The following PER2 variants were observed in gnomAD, a reference collection of about 807,000 sequenced individuals.
PER2 encodes the protein period circadian protein homolog 2.
PER2 carries 66 observed loss-of-function variants against 121.0 expected under a neutral mutation model. The ratio of observed to expected loss-of-function variants is 0.55; its 90% CI spans 0.45 to 0.67. The LOEUF is 0.67. Among genes scored for constraint, PER2 ranks in the 30% least tolerant of loss-of-function variants. The pLI, the probability that PER2 is intolerant of heterozygous loss-of-function variation, is 0.00. For synonymous variants in PER2, 684 were observed against 659.9 expected, an observed-to-expected ratio of 1.04 and a Z score of -0.56; for missense variants, 1,521 against 1,635.0, an observed-to-expected ratio of 0.93 and a Z score of 1.20.
chr2:238,252,507 C>T lies in PER2; in HGVS notation c.3111+405G>A, dbSNP rs1262810868. Among the ~76,000 whole-genome samples the T allele has an allele frequency of 6.6e-6, 1 of 152,252 alleles. No individual in the cohort carries two copies. Among genetic ancestry groups the T allele is most frequent in the Non-Finnish European group, 1.5e-5 (1 of 68,046 alleles). On this transcript the variant is annotated intron_variant, in intron 19 of 22. Transcript: ENST00000254657. The surrounding 1 kb of genome is among the most constrained non-coding windows in gnomAD (Gnocchi z 4.2). ...ACGCTGGTTTTAGGGCTGTGTCCCC[C>T]TCCTTCTCCGCCTTCACCGGGGCCA... is the stretch of plus-strand genomic sequence containing the variant.
At chr2:238,290,509 CT>C (rs1445549872), upstream of PER2, among the ~76,000 whole-genome samples, 1 of 152,160 alleles carries the variant, frequency 6.6e-6, no homozygotes, top group Admixed American at 6.5e-5. Context: ...AGCCTGCTAC[CT>C]GATGTCACAT....
Position 238,258,662 on chromosome 2 carries a change from T to C in PER2, c.1628-18A>G, listed in dbSNP as rs780789990. The C allele has an allele frequency of 4.3e-6, 7 of 1,613,094 alleles. No individual in the cohort carries two copies. Among genetic ancestry groups the C allele is most frequent in the Non-Finnish European group, 5.9e-6 (7 of 1,179,496 alleles). On this transcript the variant is annotated intron_variant, in intron 14 of 22. Transcript: ENST00000254657. ...TTGCATTTCTGAAGGAATGGCAAAA[T>C]TGTTCTTTCATTCATTTTTCTCCCA...
the PER2 span, chr2:238,299,709 C>G: frequency 6.6e-6 from 1 of 152,228 alleles, no homozygotes; most frequent in Non-Finnish European, 1.5e-5. Context: ...AGCTGAGAAT[C>G]TCAAACCCCC....
intron 1 of PER2, 143 bp from the exon 2 acceptor site, chr2:238,278,098 CTCTCTT>C: frequency 1.7e-5 from 16 of 968,584 alleles, no homozygotes; most frequent in Non-Finnish European, 2.0e-5. Context: ...CTCTCTCTCT[CTCTCTT>C]TCTTTCTTTC....
At position 238,268,834 on chromosome 2, in the gene PER2, G is replaced by T; in HGVS notation, c.824+89C>A. ...GGCGTGCTGAGTCCCTGCAGGCAGGGATCACGCCCCCCAGCCTCAAGCGGA... is the reference window on the plus strand; with the variant it reads ...GGCGTGCTGAGTCCCTGCAGGCAGGTATCACGCCCCCCAGCCTCAAGCGGA... On this transcript the variant is annotated intron_variant, in intron 7 of 22. Coordinates refer to ENST00000254657, the MANE Select transcript of PER2 (RefSeq NM_022817.3). This position sits in a 1 kb window ranked among gnomAD's most constrained non-coding sequence, Gnocchi z 4.0. 1.1e-6 allele frequency: 1 copy of T among 945,822 alleles called. No individual in the cohort carries two copies. Among genetic ancestry groups the T allele is most frequent in the Non-Finnish European group, 1.7e-6 (1 of 573,426 alleles). The allele number at this position is 945,822 out of a possible 1,614,324, so 58.6% of individuals were successfully genotyped here. A position where few individuals can be genotyped will look rare whatever the true frequency, so the allele number is the denominator to read the frequency against.
At chr2:238,293,885 G>T (rs1339376096), upstream of PER2, among the ~76,000 whole-genome samples, 2 of 152,176 alleles carry the variant, frequency 1.3e-5, no homozygotes, top group African/African-American at 4.8e-5. Context: ...TCAACTCTCT[G>T]CCTCAGGAAC....
At position 238,258,187 on chromosome 2, in the gene PER2, T is replaced by C. The variant is rs921430784; in HGVS notation, c.1900+89A>G. On this transcript the variant is annotated intron_variant, in intron 16 of 22. Transcript: ENST00000254657. ...TGAAAAACAGCCTACACCCTTACAC[T>C]GTGTCCACAGAAGCCATGGGGACGT... 14 of 1,396,332 alleles carry C rather than the reference T, an allele frequency of 1.0e-5. No homozygotes were observed. In the East Asian group the frequency reaches 2.5e-4, roughly 25 times the overall value. The allele number at this position is 1,396,332 out of a possible 1,614,324, so 86.5% of individuals were successfully genotyped here. A position where few individuals can be genotyped will look rare whatever the true frequency, so the allele number is the denominator to read the frequency against.
intron 1 of PER2, among the ~76,000 whole-genome samples, chr2:238,285,395 C>T (rs539706656): frequency 5.9e-5 from 9 of 152,218 alleles, no homozygotes; most frequent in African/African-American, 1.9e-4. Context: ...CTGGTGGGGT[C>T]GCATGGGTTC....
chr2:238,269,102 A>C (rs1049656257), intron 6 of PER2, 128 bp from the exon 7 acceptor site: 9 of 740,624 alleles, frequency 1.2e-5, no homozygotes, highest in East Asian at 2.6e-5. Flanking sequence ...AATTTATGGA[A>C]GCACAAAGTA....
At position 238,255,849 on chromosome 2, in the gene PER2, C is replaced by T. The variant is rs751272396; in HGVS notation, c.2128G>A (p.Ala710Thr). 12 of 1,614,246 alleles carry T rather than the reference C, an allele frequency of 7.4e-6. No individual in the cohort carries two copies. In the South Asian group the frequency reaches 1.1e-4, roughly 15 times the overall value. ...SLDCLAGPAL[A>T]CGLSQEKEPF... ...TCCTTCTCTTGGCTGAGACCACAGG[C>T]CAGGGCAGGGCCCGCCAGGCAGTCC... Residue 710 changes from alanine to threonine, a missense_variant, in exon 18 of 23, where the codon GCC becomes ACC. Ala to Thr is a moderately conservative substitution (Grantham distance 58, BLOSUM62 0). Coordinates refer to ENST00000254657, the MANE Select transcript of PER2 (RefSeq NM_022817.3).
intron 20 of PER2, among the ~76,000 whole-genome samples, chr2:238,251,246 C>T (rs575574010): frequency 2.1e-4 from 32 of 152,306 alleles, no homozygotes; most frequent in African/African-American, 5.8e-4. Context: ...AAGATCCCAG[C>T]GGGTAGAGGC....
intron 3 of PER2, 79 bp downstream of exon 3, chr2:238,277,052 C>A: frequency 1.8e-6 from 2 of 1,103,582 alleles, no homozygotes; most frequent in Non-Finnish European, 2.8e-6. Flanking sequence ...AGCCACGTCA[C>A]TCCCAGAAAA....
At position 238,275,871 on chromosome 2, in the gene PER2, G is replaced by A. The variant is rs1373139746; in HGVS notation, c.320C>T (p.Thr107Ile). Residue 107 changes from threonine to isoleucine, a missense_variant, in exon 4 of 23, where the codon ACA (threonine) becomes ATA (isoleucine). By Grantham distance (89) the Thr-to-Ile change is moderately conservative. Coordinates refer to ENST00000254657, the MANE Select transcript of PER2 (RefSeq NM_022817.3). Reference protein sequence around the residue: ...CSSDQSSKVDTHKELIKTLKE... With the variant: ...CSSDQSSKVDIHKELIKTLKE... ...TAGTGTTTTTATCAGTTCTTTGTGT[G>A]TGTCCACTTTCGAAGACTGGTCGCT... 1.9e-6 allele frequency: 3 copies of A among 1,614,126 alleles called. No homozygotes were observed. Among genetic ancestry groups the A allele is most frequent in the East Asian group, 2.2e-5 (1 of 44,898 alleles).
chr2:238,274,328 A>G (rs1696386554), intron 4 of PER2, among the ~76,000 whole-genome samples: 4 of 152,216 alleles, frequency 2.6e-5, no homozygotes, highest in Admixed American at 2.6e-4. Context: ...CCCCGGACAC[A>G]TGAAACCTGG....
At chr2:238,290,573 A>G (rs1289723353), upstream of PER2, among the ~76,000 whole-genome samples, 1 of 152,192 alleles carries the variant, frequency 6.6e-6, no homozygotes, top group Non-Finnish European at 1.5e-5. Context: ...TGGTAGAAAT[A>G]TATTGAAATC....
At chr2:238,277,031 A>G in intron 3 of PER2, 100 bp downstream of exon 3, 1 of 892,814 alleles carries the variant, frequency 1.1e-6, no homozygotes, top group East Asian at 2.4e-5. Context: ...GTTTTAGCAC[A>G]GCTTAAAAAA....
chr2:238,276,422 C>G (rs1408897552), intron 3 of PER2, among the ~76,000 whole-genome samples: 1 of 152,244 alleles, frequency 6.6e-6, no homozygotes, highest in Non-Finnish European at 1.5e-5. Context: ...AGGGTTAGAG[C>G]TAGGCTTTGC....
At chr2:238,293,851 G>A (rs1238843789), upstream of PER2, among the ~76,000 whole-genome samples, 1 of 152,166 alleles carries the variant, frequency 6.6e-6, no homozygotes, top group African/African-American at 2.4e-5. Flanking sequence ...GATGCTGTAT[G>A]GCGCTCCTGG....
At chr2:238,275,418 G>A (rs1696421611) in intron 4 of PER2, among the ~76,000 whole-genome samples, 1 of 152,234 alleles carries the variant, frequency 6.6e-6, no homozygotes, top group Non-Finnish European at 1.5e-5. Context: ...GCCAGGCACA[G>A]TGGCTCACAC....
Sources: allele counts gnomAD v4.1 joint callset (sites outside exome capture counted in the v4.1 genomes callset), GRCh38; gene constraint gnomAD v4.1.1; non-coding constraint Gnocchi (gnomAD v3.1); transcripts MANE v1.5; gene names NCBI Gene and HGNC (gene_info 2026-07-23, HGNC 2026-07-21).